DCC: variants seen among roughly 807,000 people sequenced by gnomAD.
DCC encodes netrin receptor DCC.
DCC carries 58 observed loss-of-function variants against 172.5 expected under a neutral mutation model. That is an observed-to-expected ratio of 0.34 (90% CI 0.27 to 0.42). The LOEUF (loss-of-function observed/expected upper bound fraction) is 0.42. Ranked by LOEUF, DCC falls within the 10% of genes least tolerant of loss-of-function variation. DCC has a pLI of 1.00. For synonymous variants in DCC, 709 were observed against 644.5 expected (o/e 1.10, Z -1.52); for missense variants, 1,740 against 1,791.0 (o/e 0.97, Z 0.51).
At chr18:53,447,612 T>A (rs1201924746) in intron 22 of DCC, among the ~76,000 whole-genome samples, 1 of 152,218 alleles carries the variant, frequency 6.6e-6, no homozygotes, top group East Asian at 1.9e-4. Flanking sequence ...TGTACTGTTA[T>A]GTATGATTCA....
chr18:53,090,529 T>C (rs1447578240), intron 7 of DCC, among the ~76,000 whole-genome samples: 1 of 150,586 alleles, frequency 6.6e-6, no homozygotes, highest in Non-Finnish European at 1.5e-5. Context: ...CCGTCTCTAC[T>C]AACGATACAA....
chr18:53,260,826 C>T (rs2056588155), intron 12 of DCC, among the ~76,000 whole-genome samples: 1 of 152,134 alleles, frequency 6.6e-6, no homozygotes, highest in African/African-American at 2.4e-5. Flanking sequence ...GCAGGCAGGC[C>T]TCCTTGAACT....
At chr18:53,116,683 G>T (rs2144273184) in intron 7 of DCC, among the ~76,000 whole-genome samples, 1 of 151,782 alleles carries the variant, frequency 6.6e-6, no homozygotes, top group South Asian at 2.1e-4. Context: ...AGCAAAGGAG[G>T]TTGCTTTAAA....
chr18:53,109,082 T>C (rs1396182256), intron 7 of DCC, among the ~76,000 whole-genome samples: 7 of 151,476 alleles, frequency 4.6e-5, no homozygotes, highest in Non-Finnish European at 8.9e-5. Flanking sequence ...ATTTTAATTT[T>C]AGCCATTTTA....
At chr18:52,993,096 G>T (rs889981550) in intron 5 of DCC, among the ~76,000 whole-genome samples, 2 of 151,428 alleles carry the variant, frequency 1.3e-5, no homozygotes, top group Non-Finnish European at 2.9e-5. Context: ...CTAAATGATT[G>T]TTCTAGTTGC....
At chr18:52,554,072 A>G (rs1415213454) in intron 1 of DCC, among the ~76,000 whole-genome samples, 1 of 152,102 alleles carries the variant, frequency 6.6e-6, no homozygotes, top group Non-Finnish European at 1.5e-5. Context: ...GACTAGGTCA[A>G]AGATGGTTGT....
chr18:53,205,944 G>T (rs1397540988), intron 10 of DCC, among the ~76,000 whole-genome samples: 2 of 151,338 alleles, frequency 1.3e-5, no homozygotes, highest in African/African-American at 2.4e-5. Flanking sequence ...AAAGTAAAAA[G>T]GTCTTTAGGG....
intron 1 of DCC, among the ~76,000 whole-genome samples, chr18:52,517,558 C>T (rs2031681484): frequency 6.6e-6 from 1 of 152,210 alleles, no homozygotes; most frequent in Non-Finnish European, 1.5e-5. Context: ...ATAGCAACTC[C>T]TTAGGTCCAA....
intron 1 of DCC, among the ~76,000 whole-genome samples, chr18:52,731,652 A>G (rs2036644636): frequency 6.6e-6 from 1 of 152,180 alleles, no homozygotes; most frequent in Non-Finnish European, 1.5e-5. Context: ...ACTTCATGAC[A>G]TTATTTGAGG....
intron 5 of DCC, among the ~76,000 whole-genome samples, chr18:53,034,958 C>A (rs1015865951): frequency 6.6e-6 from 1 of 152,090 alleles, no homozygotes; most frequent in African/African-American, 2.4e-5. Context: ...TAGTCCTTCC[C>A]ACTTTCCTAC....
intron 5 of DCC, among the ~76,000 whole-genome samples, chr18:52,936,690 ACTG>A (rs1242359445): frequency 6.7e-6 from 1 of 148,672 alleles, no homozygotes; most frequent in African/African-American, 2.4e-5. Context: ...AAGGAGGAGA[ACTG>A]CTGACAGTGG....
chr18:53,285,965 A>AT (rs1428971511), intron 12 of DCC, among the ~76,000 whole-genome samples: 1 of 152,176 alleles, frequency 6.6e-6, no homozygotes, highest in East Asian at 1.9e-4. Context: ...AATTGCTCCC[A>AT]TTTGGAATGG....
At chr18:53,250,540 C>A (rs549930494) in intron 12 of DCC, among the ~76,000 whole-genome samples, 1 of 151,904 alleles carries the variant, frequency 6.6e-6, no homozygotes, top group East Asian at 1.9e-4. Context: ...GACCTACAGG[C>A]AATATCTGCC....
At chr18:52,833,839 T>A (rs73956067) in intron 2 of DCC, among the ~76,000 whole-genome samples, 32,594 of 151,698 alleles carry the variant, frequency 0.21, 3,968 homozygotes, top group African/African-American at 0.34. Context: ...TAAAAAAAAT[T>A]TTTTTGTAGA....
chr18:53,001,653 A>C (rs1004237381), intron 5 of DCC, among the ~76,000 whole-genome samples: 17 of 152,128 alleles, frequency 1.1e-4, no homozygotes, highest in African/African-American at 4.1e-4. Flanking sequence ...GGTTATTTGA[A>C]ATAAATCATA....
chr18:53,289,466 G>A (rs561371067), intron 12 of DCC, among the ~76,000 whole-genome samples: 1 of 152,068 alleles, frequency 6.6e-6, no homozygotes, highest in Non-Finnish European at 1.5e-5. Flanking sequence ...GTAGATTTAA[G>A]TAAACCTGAT....
rs149997261 is a variant in DCC, at chr18:52,917,234, G to T, written c.698-6473G>T. On this transcript the variant is annotated intron_variant, in intron 3 of 28. Coordinates refer to ENST00000442544, the MANE Select transcript of DCC (RefSeq NM_005215.4). The stretch of plus-strand genomic sequence containing the variant: ...ATTTGGGAGGCTGAGGTGGAAGATG[G>T]CTTGAGCCAGGGAGGTGGAGGTTGC... Among the ~76,000 whole-genome samples, 16 of 152,102 alleles carry T rather than the reference G, an allele frequency of 1.1e-4. No individual in the cohort carries two copies. In the East Asian group the frequency reaches 3.1e-3, roughly 29 times the overall value.
intron 15 of DCC, among the ~76,000 whole-genome samples, chr18:53,366,073 T>C (rs2058001662): frequency 6.6e-6 from 1 of 152,090 alleles, no homozygotes; most frequent in African/African-American, 2.4e-5. Context: ...TTTTTTTTTT[T>C]GAGACAGGGT....
intron 5 of DCC, among the ~76,000 whole-genome samples, chr18:53,053,401 T>G (rs2042360857): frequency 1.3e-5 from 2 of 152,178 alleles, no homozygotes; most frequent in African/African-American, 4.8e-5. Flanking sequence ...TTTCATTCTT[T>G]GACTGCTGTG....
Sources: gnomAD v4.1 joint callset for allele counts (sites outside exome capture counted in the v4.1 genomes callset) on GRCh38, gnomAD v4.1.1 for gene constraint, MANE v1.5 for transcripts, NCBI Gene and HGNC (gene_info 2026-07-23, HGNC 2026-07-21) for gene names.